The following IKZF1 variants were observed in gnomAD, a reference collection of about 807,000 sequenced individuals.
IKZF1 encodes DNA-binding protein Ikaros.
A neutral mutation model predicts 51.7 loss-of-function variants in IKZF1; 10 were observed. The ratio of observed to expected loss-of-function variants is 0.19; its 90% CI spans 0.12 to 0.33. IKZF1 has a LOEUF of 0.33. Ranked by LOEUF, IKZF1 falls within the 10% of genes least tolerant of loss-of-function variation. The pLI is 1.00. For synonymous variants in IKZF1, 280 were observed against 282.3 expected, an observed-to-expected ratio of 0.99 and a Z score of 0.08; for missense variants, 484 against 707.5, an observed-to-expected ratio of 0.68 and a Z score of 3.58.
chr7:50,336,528 G>A (rs1250509199), intron 3 of IKZF1, among the ~76,000 whole-genome samples: 1 of 152,226 alleles, frequency 6.6e-6, no homozygotes, highest in African/African-American at 2.4e-5. Flanking sequence ...GCCCTTCAGG[G>A]GGCCTGTCAG....
chr7:50,379,461 C>T (rs1811238759), intron 4 of IKZF1, among the ~76,000 whole-genome samples: 1 of 152,214 alleles, frequency 6.6e-6, no homozygotes, highest in African/African-American at 2.4e-5. Flanking sequence ...CGTCACTTCC[C>T]CTGTTGTGCA....
rs1818075825 is a variant in IKZF1, at chr7:50,401,293, G to A, written c.*666G>A. 4.3e-6 allele frequency: 1 copy of A among 230,900 alleles called. No homozygotes were observed. Among genetic ancestry groups the A allele is most frequent in the Non-Finnish European group, 8.6e-6 (1 of 116,602 alleles). The allele number at this position is 230,900 out of a possible 1,614,324, so 14.3% of individuals were successfully genotyped here. On this transcript the variant is annotated 3_prime_UTR_variant, in exon 8 of 8. Transcript: ENST00000331340. ...TGTCTGTCAGACTGCCCTGGGTGGA[G>A]GGAGACGCCGGGCTAGAGCCTTTGG... is the stretch of plus-strand genomic sequence containing the variant.
chr7:50,304,158 G>A (rs1788208993), upstream of IKZF1: 1 of 149,086 alleles, frequency 6.7e-6, no homozygotes, highest in African/African-American at 2.4e-5. Flanking sequence ...TTTGGGGGCT[G>A]AGCCGGAGCC....
chr7:50,387,558 C>G, intron 6 of IKZF1, 88 bp downstream of exon 6: 2 of 1,454,632 alleles, frequency 1.4e-6, no homozygotes, highest in Non-Finnish European at 1.8e-6. Context: ...GCCTTAGGAG[C>G]AGAGCCTTGG....
intron 1 of IKZF1, among the ~76,000 whole-genome samples, chr7:50,315,785 AC>A (rs1256232570): frequency 1.3e-5 from 2 of 152,152 alleles, no homozygotes; most frequent in African/African-American, 4.8e-5. Flanking sequence ...AACTCCTTTT[AC>A]TGAATGTGAG....
chr7:50,368,214 G>A (rs1260546800), intron 3 of IKZF1: 1 of 703,146 alleles, frequency 1.4e-6, no homozygotes, highest in East Asian at 2.7e-5. Flanking sequence ...TCATTTTTGG[G>A]TATTTATACC....
chr7:50,356,347 C>G (rs560365209), intron 3 of IKZF1, among the ~76,000 whole-genome samples: 2 of 152,336 alleles, frequency 1.3e-5, no homozygotes, highest in African/African-American at 4.8e-5. Context: ...GATGATCTCT[C>G]TCAGCCATCT....
intron 7 of IKZF1, among the ~76,000 whole-genome samples, chr7:50,395,227 T>C (rs987166714): frequency 2.6e-5 from 4 of 152,224 alleles, no homozygotes; most frequent in African/African-American, 9.6e-5. Flanking sequence ...GTGGATAGGC[T>C]GATGAATTAG....
chr7:50,390,197 G>T (rs1814637791), intron 6 of IKZF1, among the ~76,000 whole-genome samples: 1 of 152,140 alleles, frequency 6.6e-6, no homozygotes, highest in African/African-American at 2.4e-5. Context: ...GATTGACTCT[G>T]GGGGGTGGAG....
rs1166354933 is a variant in IKZF1 at position 50,400,560 on chromosome 7, A to G, written c.1493A>G (p.His498Arg). Reference protein sequence around the residue: ...DPFECNMCGYHSQDRYEFSSH... With the variant: ...DPFECNMCGYRSQDRYEFSSH... ...TTTGAGTGCAACATGTGCGGCTACC[A>G]CAGCCAGGACCGGTACGAGTTCTCG... The change falls in exon 8 of 8, where the codon CAC becomes CGC. Residue 498 changes from histidine to arginine, a missense_variant. Physicochemically the swap from His to Arg is conservative, Grantham distance 29. Coordinates refer to ENST00000331340, the MANE Select transcript of IKZF1 (RefSeq NM_006060.6). This position sits in a 1 kb window ranked among gnomAD's most constrained non-coding sequence, Gnocchi z 5.4. 2 of 1,613,918 alleles carry G rather than the reference A, an allele frequency of 1.2e-6. No individual in the cohort carries two copies. Among genetic ancestry groups the G allele is most frequent in the South Asian group, 1.1e-5 (1 of 91,088 alleles).
chr7:50,398,162 C>G (rs1817203002), intron 7 of IKZF1, among the ~76,000 whole-genome samples: 1 of 152,228 alleles, frequency 6.6e-6, no homozygotes. Flanking sequence ...TGCCACCACC[C>G]TCACCAGCCA....
At chr7:50,364,745 C>T (rs1213575674) in intron 3 of IKZF1, among the ~76,000 whole-genome samples, 1 of 152,230 alleles carries the variant, frequency 6.6e-6, no homozygotes, top group Non-Finnish European at 1.5e-5. Flanking sequence ...GACCTGGGGC[C>T]AGCTGGCTCC....
intron 3 of IKZF1, among the ~76,000 whole-genome samples, chr7:50,354,660 C>T (rs181970120): frequency 3.4e-4 from 52 of 152,204 alleles, no homozygotes; most frequent in African/African-American, 1.1e-3. Flanking sequence ...CCTGGAGTCA[C>T]GGGTCTTCCA....
chr7:50,402,058 A>G lies in IKZF1; in HGVS notation c.*1431A>G, dbSNP rs192528534. 1.3e-3 allele frequency: 296 copies of G among 230,602 alleles called. 2 individuals are homozygous for G. Among genetic ancestry groups the G allele is most frequent in the South Asian group, 4.0e-3 (22 of 5,518 alleles). 14.3% of individuals were successfully genotyped at this position (230,602 alleles called of 1,614,324 possible). On this transcript the variant is annotated 3_prime_UTR_variant, in exon 8 of 8. Transcript: ENST00000331340. ...GGCACTGCAGGTGAGAACCCCGCCC[A>G]TCCGTGCTATGACATGGAGGCACTG...
chr7:50,311,857 G>A (rs1417586161), intron 1 of IKZF1, among the ~76,000 whole-genome samples: 1 of 151,996 alleles, frequency 6.6e-6, no homozygotes, highest in Non-Finnish European at 1.5e-5. Flanking sequence ...ATAAGTTTGT[G>A]TTTATCTCTC....
At chr7:50,377,484 G>A (rs1267698037) in intron 4 of IKZF1, among the ~76,000 whole-genome samples, 1 of 152,356 alleles carries the variant, frequency 6.6e-6, no homozygotes, top group East Asian at 1.9e-4. Flanking sequence ...AGGAACACGG[G>A]CACCCTAGTG....
chr7:50,389,630 A>G (rs1250928836), intron 6 of IKZF1, among the ~76,000 whole-genome samples: 2 of 152,228 alleles, frequency 1.3e-5, no homozygotes, highest in African/African-American at 4.8e-5. Flanking sequence ...ATGATCATAA[A>G]TATCTTTCGA....
chr7:50,361,029 C>A (rs996879828), intron 3 of IKZF1, among the ~76,000 whole-genome samples: 3 of 152,330 alleles, frequency 2.0e-5, no homozygotes, highest in African/African-American at 2.4e-5. Context: ...TTTGGAATGA[C>A]AAAATTAAAT....
intron 7 of IKZF1, among the ~76,000 whole-genome samples, chr7:50,394,713 A>G (rs1816200496): frequency 6.7e-6 from 1 of 149,890 alleles, no homozygotes; most frequent in African/African-American, 2.4e-5. Flanking sequence ...TGGCTATTAT[A>G]GTTTTGCTTT....
Sources: gnomAD v4.1 joint callset for allele counts (sites outside exome capture counted in the v4.1 genomes callset) on GRCh38, gnomAD v4.1.1 for gene constraint, Gnocchi (gnomAD v3.1) non-coding constraint, MANE v1.5 for transcripts, NCBI Gene and HGNC (gene_info 2026-07-23, HGNC 2026-07-21) for gene names.